The following SLC15A1 variants were observed in gnomAD, a reference collection of about 807,000 sequenced individuals.
SLC15A1 encodes solute carrier family 15 member 1, also known as Caco-2 oligopeptide transporter.
SLC15A1 carries 83 observed loss-of-function variants against 92.9 expected under a neutral mutation model. The observed-to-expected ratio is 0.89, with a 90% CI of 0.75 to 1.07. The LOEUF is 1.07. Among genes scored for constraint, SLC15A1 ranks in the 50% least tolerant of loss-of-function variants. The probability of loss-of-function intolerance (pLI) is 0.00; values close to 1 mark genes in which losing one functional copy is unlikely to be tolerated. For synonymous variants in SLC15A1, 322 were observed against 318.2 expected (o/e 1.01, Z -0.13); for missense variants, 857 against 880.1 (o/e 0.97, Z 0.33).
At chr13:98,710,191 C>T (rs2088149996) in intron 11 of SLC15A1, among the ~76,000 whole-genome samples, 1 of 152,160 alleles carries the variant, frequency 6.6e-6, no homozygotes, top group Admixed American at 6.5e-5. Context: ...CTAGGAAATA[C>T]AAAAATGCAT....
At chr13:98,729,485 C>T (rs2088330331) in intron 1 of SLC15A1, among the ~76,000 whole-genome samples, 1 of 152,184 alleles carries the variant, frequency 6.6e-6, no homozygotes, top group Admixed American at 6.5e-5. Context: ...GGACCACATG[C>T]AGGCTGTGAT....
intron 1 of SLC15A1, among the ~76,000 whole-genome samples, chr13:98,751,644 T>C (rs944663747): frequency 2.6e-5 from 4 of 152,232 alleles, no homozygotes; most frequent in Non-Finnish European, 5.9e-5. Flanking sequence ...AACCACTCAC[T>C]GCTTCTCCTT....
intron 7 of SLC15A1, chr13:98,721,256 C>T (rs2088254999): frequency 1.5e-6 from 1 of 651,832 alleles, no homozygotes; most frequent in Admixed American, 2.1e-5. Flanking sequence ...AGATGGATGC[C>T]CATGCTAAGG....
chr13:98,698,964 TTAAA>T (rs1416827933), intron 18 of SLC15A1, among the ~76,000 whole-genome samples: 1 of 152,132 alleles, frequency 6.6e-6, no homozygotes. Context: ...TTTATTCTTA[TTAAA>T]TATTTATTTA....
chr13:98,720,926 C>T, intron 7 of SLC15A1: 4 of 353,080 alleles, frequency 1.1e-5, no homozygotes, highest in Non-Finnish European at 1.7e-5. Flanking sequence ...GTGGCAGGCG[C>T]CTGTTGTCCC....
intron 1 of SLC15A1, among the ~76,000 whole-genome samples, chr13:98,731,396 T>G (rs1452146789): frequency 6.6e-6 from 1 of 152,214 alleles, no homozygotes. Flanking sequence ...ATTGCTGTAG[T>G]GCCGTGCGTT....
rs755354383 is a variant in SLC15A1 at position 98,726,329 on chromosome 13, G to A, written c.103+39C>T. ...GTTAGGACTGGTTATGGCCACTCCC[G>A]CTCTTCCCTGAAGGGTGAGAAACGG... On this transcript the variant is annotated intron_variant, in intron 3 of 22. Transcript: ENST00000376503. 25 of 1,613,568 alleles carry A rather than the reference G, an allele frequency of 1.5e-5. No homozygotes were observed. The South Asian group carries it at 2.4e-4, about 16-fold the overall frequency.
intron 1 of SLC15A1, among the ~76,000 whole-genome samples, chr13:98,728,654 CG>C (rs963273674): frequency 6.6e-6 from 1 of 151,972 alleles, no homozygotes; most frequent in African/African-American, 2.4e-5. Flanking sequence ...TAGCACAACA[CG>C]GTGACTACAG....
intron 1 of SLC15A1, among the ~76,000 whole-genome samples, chr13:98,727,676 G>A (rs2088313857): frequency 6.6e-6 from 1 of 152,096 alleles, no homozygotes; most frequent in Non-Finnish European, 1.5e-5. Context: ...CGGAATTTTG[G>A]CAAGAGCTGA....
chr13:98,746,554 G>A (rs1339907237), intron 1 of SLC15A1, among the ~76,000 whole-genome samples: 1 of 152,148 alleles, frequency 6.6e-6, no homozygotes, highest in Admixed American at 6.5e-5. Context: ...ATTTCCTCAA[G>A]AACATCTCAA....
At chr13:98,712,438 A>AT (rs2088171205) in intron 10 of SLC15A1, 60 bp downstream of exon 10, 1 of 1,313,394 alleles carries the variant, frequency 7.6e-7, no homozygotes, top group Non-Finnish European at 1.1e-6. Flanking sequence ...CTGAATTGAG[A>AT]TTTTTCAGTG....
chr13:98,734,532 C>T lies in SLC15A1; in HGVS notation c.5-7673G>A, dbSNP rs143396397. Among the ~76,000 whole-genome samples the T allele has an allele frequency of 1.1e-3, 166 of 152,228 alleles. 1 individual carries two copies. Among genetic ancestry groups the T allele is most frequent in the African/African-American group, 3.9e-3 (162 of 41,524 alleles). ...GGGTCAGGGGATTTCCCTTTCCTAGCCAAGGGAAGACTGTACCAGGAAAAG... is the reference window on the plus strand; with the variant it reads ...GGGTCAGGGGATTTCCCTTTCCTAGTCAAGGGAAGACTGTACCAGGAAAAG... On this transcript the variant is annotated intron_variant, in intron 1 of 22. Coordinates refer to ENST00000376503, the MANE Select transcript of SLC15A1 (RefSeq NM_005073.4).
chr13:98,704,300 G>T lies in SLC15A1; in HGVS notation c.1405C>A (p.His469Asn). 2 of 1,609,334 alleles carry T rather than the reference G, an allele frequency of 1.2e-6. No individual in the cohort carries two copies. Among genetic ancestry groups the T allele is most frequent in the Non-Finnish European group, 1.7e-6 (2 of 1,178,108 alleles). Residue 469 changes from histidine (H) to asparagine (N), a missense_variant, in exon 17 of 23, where the codon CAC (histidine) becomes AAC (asparagine). Physicochemically the swap from His to Asn is moderately conservative, Grantham distance 68. Coordinates refer to ENST00000376503, the MANE Select transcript of SLC15A1 (RefSeq NM_005073.4). ...CTTCACACACTTACCACCTGGTAGT[G>T]ATTGGGGGCCCACACTAGAAGCGTG... The part of the protein sequence containing the change: ...RHTLLVWAPN[H>N]YQVVKDGLNQ...
At chr13:98,699,920 C>T (rs895488978) in intron 18 of SLC15A1, among the ~76,000 whole-genome samples, 1 of 152,130 alleles carries the variant, frequency 6.6e-6, no homozygotes, top group Non-Finnish European at 1.5e-5. Flanking sequence ...CCTTTGGTGA[C>T]ATAGCTGTTC....
chr13:98,710,826 A>AG (rs1339366738), intron 11 of SLC15A1, among the ~76,000 whole-genome samples: 5 of 151,510 alleles, frequency 3.3e-5, no homozygotes, highest in African/African-American at 1.2e-4. Context: ...AAAAAAAAAA[A>AG]AAAAAAGAAA....
intron 18 of SLC15A1, among the ~76,000 whole-genome samples, chr13:98,700,256 G>C (rs1280860849): frequency 6.6e-6 from 1 of 152,064 alleles, no homozygotes; most frequent in Admixed American, 6.6e-5. Context: ...GGAGTCTGGG[G>C]TGGGAGGATT....
chr13:98,706,297 A>T (rs557247608), intron 15 of SLC15A1, 44 bp from the exon 16 acceptor site: 1 of 1,599,610 alleles, frequency 6.3e-7, no homozygotes, highest in East Asian at 2.2e-5. Flanking sequence ...CTTCAATACA[A>T]CATGGAAAGT....
chr13:98,713,613 A>T (rs535119858), intron 9 of SLC15A1, among the ~76,000 whole-genome samples: 1 of 152,326 alleles, frequency 6.6e-6, no homozygotes, highest in East Asian at 1.9e-4. Context: ...ACGATGGCCC[A>T]CCCATCATAA....
chr13:98,729,180 A>C lies in SLC15A1; in HGVS notation c.5-2321T>G, dbSNP rs187789363. Among the ~76,000 whole-genome samples the C allele has an allele frequency of 5.2e-3, 785 of 151,794 alleles. 2 individuals carry two copies. The highest frequency in any genetic ancestry group is 8.0e-3 in the Non-Finnish European group (547 of 67,968). On this transcript the variant is annotated intron_variant, in intron 1 of 22. Coordinates refer to ENST00000376503, the MANE Select transcript of SLC15A1 (RefSeq NM_005073.4). ...AAATCCAGATTTGATATTAACTGTAAAATATTGTATTAATATTAATATTGT... is the reference window on the plus strand; with the variant it reads ...AAATCCAGATTTGATATTAACTGTACAATATTGTATTAATATTAATATTGT...
Sources: gnomAD v4.1 joint callset for allele counts (sites outside exome capture counted in the v4.1 genomes callset) on GRCh38, gnomAD v4.1.1 for gene constraint, MANE v1.5 for transcripts, NCBI Gene and HGNC (gene_info 2026-07-23, HGNC 2026-07-21) for gene names.